HMGB1: variants seen among roughly 807,000 people sequenced by gnomAD.
The protein encoded by HMGB1 is high mobility group protein B1.
For missense variants in HMGB1, 79 were observed against 253.5 expected, an observed-to-expected ratio of 0.31 and a Z score of 4.67; for synonymous variants, 81 against 84.0, an observed-to-expected ratio of 0.96 and a Z score of 0.19.
chr13:30,509,056 G>T (rs1288392991), intron 1 of HMGB1, among the ~76,000 whole-genome samples: 1 of 151,452 alleles, frequency 6.6e-6, no homozygotes, highest in Non-Finnish European at 1.5e-5. Context: ...TGCCTCAGCT[G>T]CTGGAGCAGC....
chr13:30,524,119 G>A (rs560109621), intron 1 of HMGB1, among the ~76,000 whole-genome samples: 1 of 151,944 alleles, frequency 6.6e-6, no homozygotes, highest in South Asian at 2.1e-4. Flanking sequence ...GCTCTCACTC[G>A]TAAGGGGGAG....
chr13:30,565,203 C>A (rs1218335139), intron 1 of HMGB1, among the ~76,000 whole-genome samples: 1 of 152,160 alleles, frequency 6.6e-6, no homozygotes, highest in Non-Finnish European at 1.5e-5. Flanking sequence ...TATTAGAGGT[C>A]AATAACTCAC....
intron 1 of HMGB1, among the ~76,000 whole-genome samples, chr13:30,505,394 G>A (rs1222578430): frequency 6.6e-6 from 1 of 151,376 alleles, no homozygotes; most frequent in Admixed American, 6.6e-5. Context: ...TAGCCAGGAT[G>A]GTCTCCATCT....
chr13:30,463,462 CT>C, intron 2 of HMGB1, 68 bp downstream of exon 2: 42 of 1,543,396 alleles, frequency 2.7e-5, no homozygotes, highest in South Asian at 5.9e-5. Context: ...GCCAACTAGG[CT>C]TTTTTTTGCA....
At chr13:30,576,873 A>G (rs1870678448) in intron 1 of HMGB1, among the ~76,000 whole-genome samples, 1 of 152,112 alleles carries the variant, frequency 6.6e-6, no homozygotes, top group African/African-American at 2.4e-5. Flanking sequence ...TGCTGATTTT[A>G]TCTTCAAATA....
chr13:30,590,050 C>T (rs1233859157), intron 1 of HMGB1, among the ~76,000 whole-genome samples: 3 of 151,838 alleles, frequency 2.0e-5, no homozygotes, highest in East Asian at 1.9e-4. Context: ...AGATTACTTA[C>T]GTTGGTTACT....
At chr13:30,609,187 C>T (rs547906460) in intron 1 of HMGB1, among the ~76,000 whole-genome samples, 2 of 152,264 alleles carry the variant, frequency 1.3e-5, no homozygotes, top group African/African-American at 2.4e-5. Context: ...GGCGTGAACC[C>T]GGAAGGCGGA....
upstream of HMGB1, among the ~76,000 whole-genome samples, chr13:30,470,320 T>G (rs1886890101): frequency 6.6e-6 from 1 of 152,246 alleles, no homozygotes; most frequent in African/African-American, 2.4e-5. Context: ...ACCTTCCTCT[T>G]CTATCTTTAG....
chr13:30,498,561 T>C (rs1443303299), intron 1 of HMGB1, among the ~76,000 whole-genome samples: 3 of 151,854 alleles, frequency 2.0e-5, no homozygotes, highest in Non-Finnish European at 4.4e-5. Flanking sequence ...CGTCTAGCTA[T>C]AGAGTAGGAC....
chr13:30,614,837 T>TA (rs1172580954), intron 1 of HMGB1, among the ~76,000 whole-genome samples: 4 of 151,860 alleles, frequency 2.6e-5, no homozygotes, highest in Non-Finnish European at 5.9e-5. Flanking sequence ...TAGCTGGGTT[T>TA]ACAGGCGCCT....
At position 30,456,760 on chromosome 13, in the gene HMGB1, C is replaced by CAG. The variant is rs768381868; in HGVS notation, c.*4596_*4597insCT. The CAG allele has an allele frequency of 1.5e-4, 2 of 13,544 alleles. No homozygotes were observed. The highest frequency in any genetic ancestry group is 3.6e-4 in the African/African-American group (1 of 2,780). The allele number at this position is 13,544 out of a possible 1,614,324, so 0.8% of individuals were successfully genotyped here. A position where few individuals can be genotyped will look rare whatever the true frequency, so the allele number is the denominator to read the frequency against. The stretch of plus-strand genomic sequence containing the variant: ...CAGCATAAATAACAGCTTTTGTGGG[C>CAG]GGGGGGGGGGGGTGGTGGGGTGCAA... On this transcript the variant is annotated 3_prime_UTR_variant, in exon 5 of 5. Transcript: ENST00000341423.
chr13:30,482,954 T>TC (rs1887269151), intron 1 of HMGB1, among the ~76,000 whole-genome samples: 1 of 24,776 alleles, frequency 4.0e-5, no homozygotes, highest in African/African-American at 1.7e-4. Flanking sequence ...ACACCAGCTA[T>TC]TTTTTTTTTT....
intron 1 of HMGB1, among the ~76,000 whole-genome samples, chr13:30,505,188 T>C (rs1887825497): frequency 6.6e-6 from 1 of 151,404 alleles, no homozygotes; most frequent in Non-Finnish European, 1.5e-5. Flanking sequence ...TTGTTGTTGT[T>C]ATTGTTTGAG....
chr13:30,571,298 T>G lies in HMGB1; in HGVS notation c.-15+45373A>C, dbSNP rs545397613. Among the ~76,000 whole-genome samples, 582 of 151,490 alleles carry G rather than the reference T, an allele frequency of 3.8e-3. 4 individuals carry two copies. Among genetic ancestry groups the G allele is most frequent in the African/African-American group, 0.013 (549 of 41,322 alleles). On this transcript the variant is annotated intron_variant, in intron 1 of 4. Transcript: ENST00000405805. ...CAGGATTAGCAAAAAAATGGTTTTT[T>G]TTTTTTTTTTTTCCGAGATGGAGTC...
chr13:30,515,693 A>T (rs1482197604), intron 1 of HMGB1, among the ~76,000 whole-genome samples: 1 of 151,978 alleles, frequency 6.6e-6, no homozygotes, highest in Non-Finnish European at 1.5e-5. Flanking sequence ...TGCTAAAAAA[A>T]AAAAAAAAAG....
chr13:30,586,764 C>A (rs1871172472), intron 1 of HMGB1, among the ~76,000 whole-genome samples: 1 of 151,894 alleles, frequency 6.6e-6, no homozygotes, highest in Non-Finnish European at 1.5e-5. Context: ...GAAAAGATAT[C>A]CCAATCTTTT....
chr13:30,538,718 CTTTTT>C (rs1392652869), intron 1 of HMGB1, among the ~76,000 whole-genome samples: 1 of 43,548 alleles, frequency 2.3e-5, no homozygotes, highest in Non-Finnish European at 4.5e-5. Flanking sequence ...TTTCTTTCTT[CTTTTT>C]CTTTCTTTTT....
chr13:30,558,396 C>T (rs1401957568), intron 1 of HMGB1, among the ~76,000 whole-genome samples: 2 of 152,168 alleles, frequency 1.3e-5, no homozygotes, highest in Admixed American at 6.5e-5. Context: ...CTATATCTTA[C>T]ATCTCATTCT....
chr13:30,553,824 A>G lies in HMGB1; in HGVS notation c.-15+62847T>C, dbSNP rs572935174. 5.6e-5 allele frequency: 76 copies of G among 1,357,230 alleles called. No individual in the cohort carries two copies. The South Asian group carries it at 7.5e-4, about 13-fold the overall frequency. The allele number at this position is 1,357,230 out of a possible 1,614,324, so 84.1% of individuals were successfully genotyped here. A position where few individuals can be genotyped will look rare whatever the true frequency, so the allele number is the denominator to read the frequency against. On this transcript the variant is annotated intron_variant, in intron 1 of 4. Coordinates refer to the HMGB1 transcript ENST00000405805. ...AAATCGAAATAGATACAGAGATGTA[A>G]GCCCATATGATCACAGTCGTGTTAA... is the stretch of plus-strand genomic sequence containing the variant.
Sources: gnomAD v4.1 joint callset for allele counts (sites outside exome capture counted in the v4.1 genomes callset) on GRCh38, gnomAD v4.1.1 for gene constraint, MANE v1.5 for transcripts, NCBI Gene and HGNC (gene_info 2026-07-23, HGNC 2026-07-21) for gene names.